Variants in UXS1 observed in about 807,000 individuals in gnomAD.
UXS1 encodes the protein UDP-glucuronate decarboxylase 1.
A neutral mutation model predicts 62.6 loss-of-function variants in UXS1; 33 were observed. The observed-to-expected ratio is 0.53, with a 90% CI of 0.40 to 0.70. The LOEUF (loss-of-function observed/expected upper bound fraction) is 0.70. Ranked by LOEUF, UXS1 falls within the 30% of genes least tolerant of loss-of-function variation. The pLI, the probability that UXS1 is intolerant of heterozygous loss-of-function variation, is 0.00. For synonymous variants in UXS1, 213 were observed against 206.8 expected (o/e 1.03, Z -0.26); for missense variants, 434 against 556.3 (o/e 0.78, Z 2.21).
intron 10 of UXS1, among the ~76,000 whole-genome samples, chr2:106,112,015 C>T (rs1678656657): frequency 6.6e-6 from 1 of 152,182 alleles, no homozygotes; most frequent in Admixed American, 6.5e-5. Context: ...GGTGCTCCTC[C>T]CAAGGGAGGC....
At chr2:106,184,175 G>C (rs1044996507) in intron 1 of UXS1, among the ~76,000 whole-genome samples, 1 of 152,124 alleles carries the variant, frequency 6.6e-6, no homozygotes, top group Non-Finnish European at 1.5e-5. Context: ...CTGGGCAACA[G>C]AGCAAAACTC....
At chr2:106,108,138 T>A (rs1678248129) in intron 10 of UXS1, among the ~76,000 whole-genome samples, 2 of 152,224 alleles carry the variant, frequency 1.3e-5, no homozygotes, top group African/African-American at 4.8e-5. Flanking sequence ...CCTGCTGGAT[T>A]TCAGTTTCTA....
Position 106,161,355 on chromosome 2 carries a change from C to T in UXS1, c.230+2312G>A, listed in dbSNP as rs528611222. Among the ~76,000 whole-genome samples, 8 of 152,234 alleles carry T rather than the reference C, an allele frequency of 5.3e-5. No homozygotes were observed. In the South Asian group the frequency reaches 1.5e-3, roughly 28 times the overall value. On this transcript the variant is annotated intron_variant, in intron 4 of 14. Coordinates refer to ENST00000283148, the MANE Select transcript of UXS1 (RefSeq NM_001253875.2). ...TCCTGGGCTCAAGCCATCAGCCTGC[C>T]GAGGCTTCCCAAAGTGCTGGTATTA...
chr2:106,171,622 G>A (rs1467047746), intron 1 of UXS1, among the ~76,000 whole-genome samples: 1 of 152,220 alleles, frequency 6.6e-6, no homozygotes, highest in East Asian at 1.9e-4. Flanking sequence ...AGGCCACACA[G>A]AAAGTACAGA....
At chr2:106,182,436 T>A (rs1299761538) in intron 1 of UXS1, among the ~76,000 whole-genome samples, 4 of 152,260 alleles carry the variant, frequency 2.6e-5, no homozygotes, top group African/African-American at 9.6e-5. Context: ...CACTTCATTC[T>A]CTAGCTTTTC....
intron 1 of UXS1, among the ~76,000 whole-genome samples, chr2:106,180,163 C>G (rs1395509099): frequency 6.6e-6 from 1 of 152,176 alleles, no homozygotes; most frequent in Non-Finnish European, 1.5e-5. Flanking sequence ...ACAGAAAAAT[C>G]AAGGGCATAA....
chr2:106,094,287 C>T lies in UXS1; in HGVS notation c.1147-130G>A. 3 of 697,242 alleles carry T rather than the reference C, an allele frequency of 4.3e-6. No individual in the cohort carries two copies. In the South Asian group the frequency reaches 9.4e-5, roughly 22 times the overall value. 43.2% of individuals were successfully genotyped at this position (697,242 alleles called of 1,614,324 possible). On this transcript the variant is annotated intron_variant, in intron 14 of 14. Coordinates refer to ENST00000283148, the MANE Select transcript of UXS1 (RefSeq NM_001253875.2). The stretch of plus-strand genomic sequence containing the variant: ...GTCAGGCCTCCTTCAGAGGAACACT[C>T]ACAGAACCATGCTTTGGTTGTGACA...
At chr2:106,094,567 G>A (rs1305457284) in intron 14 of UXS1, among the ~76,000 whole-genome samples, 2 of 152,196 alleles carry the variant, frequency 1.3e-5, no homozygotes, top group Admixed American at 6.5e-5. Flanking sequence ...GATGCTTTGG[G>A]AAGGTGATCT....
At position 106,152,603 on chromosome 2, in the gene UXS1, AAAG is replaced by A. The variant is rs1417598909; in HGVS notation, c.291+5452_291+5454del. On this transcript the variant is annotated intron_variant, in intron 5 of 14. Transcript: ENST00000283148. Reference sequence around the variant, plus strand: ...AAGGAAAGAAAGAAAAGAAAAGAAAAAAGAAGAGAAAAGAGGAAAGAAAGAAAA... The same window carrying A: ...AAGGAAAGAAAGAAAAGAAAAGAAAAAAGAGAAAAGAGGAAAGAAAGAAAA... Among the ~76,000 whole-genome samples, 36 of 152,092 alleles carry A rather than the reference AAAG, an allele frequency of 2.4e-4. 2 individuals are homozygous for A. The East Asian group carries it at 7.0e-3, about 29-fold the overall frequency.
intron 6 of UXS1, among the ~76,000 whole-genome samples, chr2:106,143,205 G>C (rs1000283697): frequency 2.0e-5 from 3 of 151,204 alleles, no homozygotes; most frequent in East Asian, 3.9e-4. Flanking sequence ...GCAGGAGATG[G>C]AGACCATCCT....
At chr2:106,125,893 T>C (rs1212103881) in intron 7 of UXS1, among the ~76,000 whole-genome samples, 2 of 152,244 alleles carry the variant, frequency 1.3e-5, no homozygotes, top group East Asian at 1.9e-4. Context: ...TTTTGTTGAA[T>C]ACTTGTCATA....
intron 5 of UXS1, 61 bp downstream of exon 5, chr2:106,157,995 ATC>A: frequency 7.4e-7 from 1 of 1,346,330 alleles, no homozygotes; most frequent in Non-Finnish European, 1.0e-6. Flanking sequence ...TATGTGAATT[ATC>A]TCTCAACGAA....
rs542789387 is a variant in UXS1 at position 106,138,507 on chromosome 2, C to T, written c.472+6683G>A. The T allele has an allele frequency of 1.3e-5, 13 of 985,304 alleles. No homozygotes were observed. In the South Asian group the frequency reaches 1.4e-4, roughly 11 times the overall value. The allele number at this position is 985,304 out of a possible 1,614,324, so 61.0% of individuals were successfully genotyped here. On this transcript the variant is annotated intron_variant, in intron 6 of 14. Transcript: ENST00000283148. ...GGTCTCACCCTTCAGGATTTCCAGG[C>T]GGGCCTGGAAACCTTCCATTTACAA...
intron 1 of UXS1, among the ~76,000 whole-genome samples, chr2:106,180,303 CTGTT>C (rs1455841305): frequency 6.6e-6 from 1 of 152,152 alleles, no homozygotes; most frequent in African/African-American, 2.4e-5. Flanking sequence ...TACTTCCAGA[CTGTT>C]TGACTGTTAA....
At chr2:106,150,304 C>T (rs986815967) in intron 5 of UXS1, among the ~76,000 whole-genome samples, 1 of 152,186 alleles carries the variant, frequency 6.6e-6, no homozygotes, top group African/African-American at 2.4e-5. Flanking sequence ...AGAGTGCAGA[C>T]AATTGACCCT....
intron 6 of UXS1, among the ~76,000 whole-genome samples, chr2:106,140,512 T>C (rs1424322421): frequency 2.6e-5 from 4 of 152,178 alleles, no homozygotes; most frequent in Admixed American, 6.5e-5. Flanking sequence ...CCCCTCCTCT[T>C]TAGGGTGGGT....
At chr2:106,166,257 A>G (rs942356477) in intron 1 of UXS1, 174 bp from the exon 2 acceptor site, 3 of 661,834 alleles carry the variant, frequency 4.5e-6, no homozygotes, top group South Asian at 2.2e-5. Context: ...CTACAAAATA[A>G]GTAAAAACAG....
At chr2:106,141,569 CACCTCAGCCTCCTGGGTAG>C (rs1681098259) in intron 6 of UXS1, among the ~76,000 whole-genome samples, 1 of 150,760 alleles carries the variant, frequency 6.6e-6, no homozygotes, top group Non-Finnish European at 1.5e-5. Flanking sequence ...GTAATCCTCC[CACCTCAGCCTCCTGGGTAG>C]CTGGGACCAC....
chr2:106,165,106 T>C (rs1683130630), intron 2 of UXS1, among the ~76,000 whole-genome samples: 1 of 152,250 alleles, frequency 6.6e-6, no homozygotes, highest in Non-Finnish European at 1.5e-5. Flanking sequence ...AGTGCGTCTG[T>C]AGGAGTATGT....
Sources: gnomAD v4.1 joint callset for allele counts (sites outside exome capture counted in the v4.1 genomes callset) on GRCh38, gnomAD v4.1.1 for gene constraint, MANE v1.5 for transcripts, NCBI Gene and HGNC (gene_info 2026-07-23, HGNC 2026-07-21) for gene names.